The following PTPRZ1 variants were observed in gnomAD, a reference collection of about 807,000 sequenced individuals.
PTPRZ1 encodes receptor-type tyrosine-protein phosphatase zeta.
PTPRZ1 carries 82 observed loss-of-function variants against 214.1 expected under a neutral mutation model. That is an observed-to-expected ratio of 0.38 (90% CI 0.32 to 0.46). The LOEUF (loss-of-function observed/expected upper bound fraction) is 0.46, where lower values mean the gene tolerates loss of function less well. Among genes scored for constraint, PTPRZ1 ranks in the 20% least tolerant of loss-of-function variants. The pLI is 1.00. For synonymous variants in PTPRZ1, 945 were observed against 987.9 expected, an observed-to-expected ratio of 0.96 and a Z score of 0.81; for missense variants, 2,603 against 2,748.7, an observed-to-expected ratio of 0.95 and a Z score of 1.19.
intron 23 of PTPRZ1, among the ~76,000 whole-genome samples, chr7:122,049,208 A>G (rs1220991612): frequency 2.6e-5 from 4 of 152,112 alleles, no homozygotes; most frequent in African/African-American, 9.6e-5. Context: ...TCTAGAAAGT[A>G]TCTGTCATAA....
chr7:121,992,757 T>C (rs755982813), intron 8 of PTPRZ1, among the ~76,000 whole-genome samples: 7 of 152,170 alleles, frequency 4.6e-5, no homozygotes, highest in Non-Finnish European at 1.0e-4. Flanking sequence ...CTTCTGTATG[T>C]CTAGAGTGCC....
intron 18 of PTPRZ1, 130 bp from the exon 19 acceptor site, chr7:122,038,625 A>C (rs1229558020): frequency 6.2e-6 from 5 of 811,646 alleles, no homozygotes; most frequent in African/African-American, 1.7e-5. Context: ...AATTTCTCCA[A>C]CTTTGCAAGT....
At position 121,981,775 on chromosome 7, in the gene PTPRZ1, T is replaced by G. The variant is rs199682218; in HGVS notation, c.620-1890T>G. On this transcript the variant is annotated intron_variant, in intron 6 of 29. Transcript: ENST00000393386. Reference sequence around the variant, plus strand: ...AAGAATAAACCCATATTTATTGGTGTGTGTGTGTGTGTGTGTGTGTACACA... The same window carrying G: ...AAGAATAAACCCATATTTATTGGTGGGTGTGTGTGTGTGTGTGTGTACACA... Among the ~76,000 whole-genome samples the G allele has an allele frequency of 7.9e-5, 12 of 151,280 alleles. No individual in the cohort carries two copies. In the East Asian group the frequency reaches 2.4e-3, roughly 30 times the overall value.
chr7:121,993,764 T>C (rs1468344033), intron 8 of PTPRZ1, among the ~76,000 whole-genome samples: 1 of 152,104 alleles, frequency 6.6e-6, no homozygotes, highest in Non-Finnish European at 1.5e-5. Flanking sequence ...CAGCTCTATC[T>C]TATAGAAAGG....
In PTPRZ1 at chr7:122,034,362, C is replaced by G. The variant is rs1484426400; in HGVS notation, c.5268C>G (p.Tyr1756Ter). 1.2e-6 allele frequency: 2 copies of G among 1,612,586 alleles called. No homozygotes were observed. Among genetic ancestry groups the G allele is most frequent in the African/African-American group, 2.7e-5 (2 of 74,862 alleles). ...NHPDNKHKNR[Y>*]INIVAYDHSR... Reference sequence around the variant, plus strand: ...CAGACAACAAGCACAAGAATCGATACATAAATATCGTTGCCTGTAAGTATA... The same window carrying G: ...CAGACAACAAGCACAAGAATCGATAGATAAATATCGTTGCCTGTAAGTATA... The change falls in exon 17 of 30, where the codon TAC (tyrosine) becomes TAG (stop). Residue 1756 changes from tyrosine (Y) to a stop codon, truncating the protein, a stop_gained. Transcript: ENST00000393386. LOFTEE classifies it high-confidence loss of function.
At position 121,972,533 on chromosome 7, in the gene PTPRZ1, T is replaced by G; in HGVS notation, c.305-8T>G. 1.3e-6 allele frequency: 2 copies of G among 1,584,450 alleles called. No homozygotes were observed. Among genetic ancestry groups the G allele is most frequent in the Non-Finnish European group, 1.7e-6 (2 of 1,169,024 alleles). ...GAAGCTTAGGTGCAATTGTATTTCT[T>G]TTTTTAGTGGAAATTAATCTCACTA... On this transcript the variant is annotated splice_polypyrimidine_tract_variant and splice_region_variant and intron_variant, in intron 3 of 29. Coordinates refer to ENST00000393386, the MANE Select transcript of PTPRZ1 (RefSeq NM_002851.3).
At chr7:121,932,436 C>T (rs1795952964) in intron 2 of PTPRZ1, among the ~76,000 whole-genome samples, 1 of 152,098 alleles carries the variant, frequency 6.6e-6, no homozygotes, top group Non-Finnish European at 1.5e-5. Flanking sequence ...TTAAATGTAA[C>T]TAATTTTGTG....
intron 14 of PTPRZ1, among the ~76,000 whole-genome samples, chr7:122,029,161 A>C (rs1401955358): frequency 6.6e-6 from 1 of 151,950 alleles, no homozygotes; most frequent in Non-Finnish European, 1.5e-5. Context: ...TAGCAGGAAA[A>C]GCCATGAACA....
At chr7:121,902,185 T>A (rs1028695878) in intron 1 of PTPRZ1, among the ~76,000 whole-genome samples, 2 of 152,198 alleles carry the variant, frequency 1.3e-5, no homozygotes, top group Non-Finnish European at 2.9e-5. Flanking sequence ...AATCACAGTA[T>A]TTCATTCTTT....
Position 122,004,622 on chromosome 7 carries a change from C to G in PTPRZ1, c.1249C>G (p.Leu417Val). ...DMPTDNPELD[L>V]FPELIGTEEI... is the part of the protein sequence containing the mutation. ...TGTTTTTAATTTTGTAGAACTTGATCTTTTCCCTGAATTAATTGGAACTGA... is the reference window on the plus strand; with the variant it reads ...TGTTTTTAATTTTGTAGAACTTGATGTTTTCCCTGAATTAATTGGAACTGA... The change falls in exon 11 of 30, where the codon CTT becomes GTT. Residue 417 changes from leucine (L) to valine (V), a missense_variant. Leu to Val is a conservative substitution (Grantham distance 32). This residue lies in a region of PTPRZ1 where 244 missense variants were observed against 333.2 expected (regional missense o/e 0.73). Transcript: ENST00000393386. 7.3e-7 allele frequency: 1 copy of G among 1,361,160 alleles called. No individual in the cohort carries two copies. Among genetic ancestry groups the G allele is most frequent in the Non-Finnish European group, 1.0e-6 (1 of 979,328 alleles). 84.3% of individuals were successfully genotyped at this position (1,361,160 alleles called of 1,614,324 possible).
intron 12 of PTPRZ1, among the ~76,000 whole-genome samples, chr7:122,014,161 G>A (rs1371629268): frequency 6.6e-6 from 1 of 152,066 alleles, no homozygotes; most frequent in East Asian, 1.9e-4. Flanking sequence ...TCTACAGGAT[G>A]TCTTTTATGG....
At chr7:121,975,049 C>T (rs140863635) in intron 4 of PTPRZ1, among the ~76,000 whole-genome samples, 5 of 152,014 alleles carry the variant, frequency 3.3e-5, no homozygotes, top group African/African-American at 4.8e-5. Flanking sequence ...TAGCTGAAGA[C>T]GGTGGCATGC....
intron 8 of PTPRZ1, among the ~76,000 whole-genome samples, chr7:121,985,039 C>A (rs1003060522): frequency 6.6e-6 from 1 of 151,986 alleles, no homozygotes; most frequent in Non-Finnish European, 1.5e-5. Context: ...TAATCATCTG[C>A]TTTTGAAGAT....
chr7:122,030,752 T>C (rs1317988890), intron 14 of PTPRZ1, among the ~76,000 whole-genome samples: 5 of 152,092 alleles, frequency 3.3e-5, no homozygotes, highest in East Asian at 1.9e-4. Flanking sequence ...TGTGAACTAG[T>C]AATATATTCA....
Position 122,054,021 on chromosome 7 carries a change from C to A in PTPRZ1, c.6364C>A (p.Pro2122Thr), listed in dbSNP as rs1792271824. 1 of 1,612,926 alleles carries A rather than the reference C, an allele frequency of 6.2e-7. No individual in the cohort carries two copies. Among genetic ancestry groups the A allele is most frequent in the Non-Finnish European group, 8.5e-7 (1 of 1,179,188 alleles). The change falls in exon 26 of 30, where the codon CCT becomes ACT. Residue 2122 changes from proline to threonine, a missense_variant. Physicochemically the swap from Pro to Thr is conservative, Grantham distance 38. Coordinates refer to ENST00000393386, the MANE Select transcript of PTPRZ1 (RefSeq NM_002851.3). ...DHNAQLVVMI[P>T]DGQNMAEDEF... ...TAATGCCCAACTGGTGGTTATGATT[C>A]CTGATGGCCAAAACATGGTAAGTCC...
At chr7:122,044,278 T>C in intron 22 of PTPRZ1, 144 bp from the exon 23 acceptor site, 1 of 881,670 alleles carries the variant, frequency 1.1e-6, no homozygotes, top group Non-Finnish European at 1.7e-6. Context: ...CTGACTTCCT[T>C]CCAGGTTTTG....
chr7:121,916,844 C>T (rs1795442982), intron 1 of PTPRZ1, among the ~76,000 whole-genome samples: 1 of 152,118 alleles, frequency 6.6e-6, no homozygotes, highest in Non-Finnish European at 1.5e-5. Flanking sequence ...GAAGTGAATC[C>T]CCTCTCCTTA....
Position 122,012,330 on chromosome 7 carries a change from C to G in PTPRZ1, c.3284C>G (p.Thr1095Ser). ...GAAACCTCTGTTTCCATTTCTAGCA[C>G]CAAGGGCATGTTTCCAGGGTCCCTT... ...LQETSVSISS[T>S]KGMFPGSLAH... The change falls in exon 12 of 30, where the codon ACC becomes AGC. Residue 1095 changes from threonine (T) to serine (S), a missense_variant. Physicochemically the swap from Thr to Ser is moderately conservative, Grantham distance 58. Around this residue, in one of 6 missense-constraint regions of PTPRZ1, gnomAD observed 1,913 missense variants for 1,914.3 expected, o/e 1.00. Coordinates refer to ENST00000393386, the MANE Select transcript of PTPRZ1 (RefSeq NM_002851.3). 1 of 1,613,962 alleles carries G rather than the reference C, an allele frequency of 6.2e-7. No individual in the cohort carries two copies. Among genetic ancestry groups the G allele is most frequent in the Non-Finnish European group, 8.5e-7 (1 of 1,179,926 alleles).
In PTPRZ1 at chr7:122,010,339, G is replaced by T; in HGVS notation, c.1293G>T (p.Glu431Asp). ...ATCTTGTTTGCTTTTCAAAGGAGGAGGAAGAGGGAAAAGACATTGAAGAAG... is the reference window on the plus strand; with the variant it reads ...ATCTTGTTTGCTTTTCAAAGGAGGATGAAGAGGGAAAAGACATTGAAGAAG... The part of the protein sequence containing the change: ...LIGTEEIIKE[E>D]EEGKDIEEGA... Residue 431 changes from glutamate to aspartate, a missense_variant, in exon 12 of 30, where the codon GAG (glutamate) becomes GAT (aspartate). Glu to Asp is a conservative substitution (Grantham distance 45). Around this residue, in one of 6 missense-constraint regions of PTPRZ1, gnomAD observed 1,913 missense variants for 1,914.3 expected, o/e 1.00. Coordinates refer to ENST00000393386, the MANE Select transcript of PTPRZ1 (RefSeq NM_002851.3). 6.3e-7 allele frequency: 1 copy of T among 1,598,428 alleles called. No individual in the cohort carries two copies.
Sources: allele counts gnomAD v4.1 joint callset (sites outside exome capture counted in the v4.1 genomes callset), GRCh38; gene constraint gnomAD v4.1.1; regional missense constraint gnomAD v4.1.1; transcripts MANE v1.5; gene names NCBI Gene and HGNC (gene_info 2026-07-23, HGNC 2026-07-21).